Variants in DHRSX observed in about 807,000 individuals in gnomAD.
DHRSX encodes dehydrogenase/reductase X-linked.
A neutral mutation model predicts 34.0 loss-of-function variants in DHRSX; 31 were observed. That is an observed-to-expected ratio of 0.91 (90% CI 0.69 to 1.23). The LOEUF (loss-of-function observed/expected upper bound fraction) is 1.23, where lower values mean the gene tolerates loss of function less well. Ranked by LOEUF, DHRSX falls within the 50% of genes most tolerant of loss-of-function variation. The pLI is 0.00. For synonymous variants in DHRSX, 201 were observed against 183.8 expected, an observed-to-expected ratio of 1.09 and a Z score of -0.76; for missense variants, 414 against 428.1, an observed-to-expected ratio of 0.97 and a Z score of 0.29.
chrX:2,447,317 G>A (rs2044151634), intron 1 of DHRSX, among the ~76,000 whole-genome samples: 1 of 152,044 alleles, frequency 6.6e-6, no homozygotes, highest in African/African-American at 2.4e-5. Flanking sequence ...CACTAAGAAT[G>A]TGGCTAAGGG....
intron 3 of DHRSX, among the ~76,000 whole-genome samples, chrX:2,301,624 G>A (rs1210702633): frequency 6.6e-6 from 1 of 152,036 alleles, no homozygotes; most frequent in Non-Finnish European, 1.5e-5. Context: ...AGCACGCCAG[G>A]TCTTTTCACC....
chrX:2,225,218 TAC>T (rs1285617450), intron 6 of DHRSX, among the ~76,000 whole-genome samples: 49 of 132,548 alleles, frequency 3.7e-4, no homozygotes, highest in African/African-American at 6.3e-4. Context: ...CATTCACATG[TAC>T]ACACATTCAC....
chrX:2,485,457 ATT>A (rs201567581), intron 1 of DHRSX, among the ~76,000 whole-genome samples: 11,237 of 145,012 alleles, frequency 0.077, 1,428 homozygotes, highest in African/African-American at 0.26. Context: ...CTTGGGGGCC[ATT>A]GTTTTCTCAG....
At chrX:2,461,870 T>C (rs1024991018) in intron 1 of DHRSX, among the ~76,000 whole-genome samples, 2 of 152,128 alleles carry the variant, frequency 1.3e-5, no homozygotes, top group African/African-American at 2.4e-5. Flanking sequence ...GTATTTTTAG[T>C]AGAGATGAGG....
chrX:2,456,191 C>T (rs754529171), intron 1 of DHRSX, among the ~76,000 whole-genome samples: 38 of 152,192 alleles, frequency 2.5e-4, no homozygotes, highest in African/African-American at 3.9e-4. Flanking sequence ...ATGTGCGGGA[C>T]GCCAAAAACC....
chrX:2,273,117 C>T (rs1056559877), intron 4 of DHRSX, among the ~76,000 whole-genome samples: 8 of 152,010 alleles, frequency 5.3e-5, no homozygotes, highest in African/African-American at 1.9e-4. Flanking sequence ...TGCTTGAACC[C>T]AGGAGGTGGA....
intron 5 of DHRSX, among the ~76,000 whole-genome samples, chrX:2,255,598 G>T (rs1166666836): frequency 1.3e-5 from 2 of 152,080 alleles, no homozygotes; most frequent in African/African-American, 2.4e-5. Flanking sequence ...GTGAAATAAA[G>T]AATTTCTTAA....
chrX:2,232,038 T>TCCC (rs1556425138), intron 6 of DHRSX, among the ~76,000 whole-genome samples: 3 of 149,044 alleles, frequency 2.0e-5, no homozygotes, highest in South Asian at 2.2e-4. Context: ...CTTCTCCTCC[T>TCCC]TTTTCTCTTT....
intron 3 of DHRSX, among the ~76,000 whole-genome samples, chrX:2,360,234 C>G (rs2042911740): frequency 6.6e-6 from 1 of 152,038 alleles, no homozygotes; most frequent in Non-Finnish European, 1.5e-5. Flanking sequence ...AGCATAGTAA[C>G]ATTTATTCAA....
chrX:2,250,643 T>C (rs1313594436), intron 5 of DHRSX, among the ~76,000 whole-genome samples: 1 of 152,112 alleles, frequency 6.6e-6, no homozygotes, highest in Non-Finnish European at 1.5e-5. Flanking sequence ...GTCACCATCT[T>C]GGTTTCGGTG....
Position 2,376,857 on chromosome X carries a change from G to A in DHRSX, c.286+31888C>T, listed in dbSNP as rs193250089. ...AAAAATACAAAAATTAGCCGGGCAC[G>A]GTGGTGCACACCTGTAGTCCCAGCT... On this transcript the variant is annotated intron_variant, in intron 3 of 6. Coordinates refer to ENST00000334651, the MANE Select transcript of DHRSX (RefSeq NM_145177.3). Among the ~76,000 whole-genome samples, 413 of 152,162 alleles carry A rather than the reference G, an allele frequency of 2.7e-3. 1 individual carries two copies. Among genetic ancestry groups the A allele is most frequent in the African/African-American group, 9.6e-3 (398 of 41,514 alleles).
chrX:2,327,601 T>A (rs1428726794), intron 3 of DHRSX, among the ~76,000 whole-genome samples: 7 of 152,154 alleles, frequency 4.6e-5, no homozygotes, highest in African/African-American at 1.2e-4. Context: ...CAGCACAAAG[T>A]CACTGGAGTC....
intron 5 of DHRSX, among the ~76,000 whole-genome samples, chrX:2,243,511 A>T (rs190005713): frequency 6.6e-6 from 1 of 152,098 alleles, no homozygotes; most frequent in Non-Finnish European, 1.5e-5. Flanking sequence ...TTGGAGACAG[A>T]GTCCCCCCTC....
intron 1 of DHRSX, among the ~76,000 whole-genome samples, chrX:2,452,776 G>A (rs768742199): frequency 1.3e-5 from 2 of 152,200 alleles, no homozygotes; most frequent in East Asian, 3.9e-4. Context: ...CGTTCCCTAA[G>A]AATGTGGCCA....
intron 5 of DHRSX, among the ~76,000 whole-genome samples, chrX:2,247,436 C>T (rs982714397): frequency 7.3e-5 from 11 of 151,700 alleles, no homozygotes; most frequent in East Asian, 2.0e-4. Flanking sequence ...GGGCAGATCC[C>T]GAGGTCAGGA....
intron 1 of DHRSX, among the ~76,000 whole-genome samples, chrX:2,491,820 A>C (rs966405032): frequency 3.0e-4 from 45 of 152,220 alleles, no homozygotes; most frequent in African/African-American, 1.1e-3. Flanking sequence ...ACACCTGTGC[A>C]AACATCAGGC....
At chrX:2,321,043 A>G (rs1383676557) in intron 3 of DHRSX, among the ~76,000 whole-genome samples, 12 of 152,122 alleles carry the variant, frequency 7.9e-5, no homozygotes. Context: ...GTGCCACTTC[A>G]GCCGAACACT....
intron 5 of DHRSX, among the ~76,000 whole-genome samples, chrX:2,247,184 A>G (rs1896172141): frequency 6.6e-6 from 1 of 152,086 alleles, no homozygotes; most frequent in South Asian, 2.1e-4. Flanking sequence ...TCTGACCCCA[A>G]GTGATCCACC....
Position 2,282,402 on chromosome X carries a change from AAG to A in DHRSX, c.388+9098_388+9099del, listed in dbSNP as rs1326093978. 6.9e-5 allele frequency among the ~76,000 whole-genome samples: 10 copies of A among 145,058 alleles called. No homozygotes were observed. The South Asian group carries it at 1.9e-3, about 27-fold the overall frequency. On this transcript the variant is annotated intron_variant, in intron 4 of 6. Coordinates refer to ENST00000334651, the MANE Select transcript of DHRSX (RefSeq NM_145177.3). ...AGAGACAGAGAAAGAGACAGAGAGA[AAG>A]AGAGAAAGGGGGAGAGAAGGAAGGC...
Sources: allele counts gnomAD v4.1 joint callset (sites outside exome capture counted in the v4.1 genomes callset), GRCh38; gene constraint gnomAD v4.1.1; transcripts MANE v1.5; gene names NCBI Gene and HGNC (gene_info 2026-07-23, HGNC 2026-07-21).